TNPO3: variants seen among roughly 807,000 people sequenced by gnomAD.
TNPO3 encodes transportin 3, also known as transportin-3.
TNPO3 carries 65 observed loss-of-function variants against 122.8 expected under a neutral mutation model. The ratio of observed to expected loss-of-function variants is 0.53; its 90% CI spans 0.43 to 0.65. The LOEUF is 0.65. Ranked by LOEUF, TNPO3 falls within the 30% of genes least tolerant of loss-of-function variation. The pLI is 0.00. For synonymous variants in TNPO3, 372 were observed against 411.2 expected, an observed-to-expected ratio of 0.90 and a Z score of 1.15; for missense variants, 850 against 1,136.7, an observed-to-expected ratio of 0.75 and a Z score of 3.63.
At chr7:129,028,292 A>G (rs372195282) in intron 1 of TNPO3, among the ~76,000 whole-genome samples, 2 of 152,234 alleles carry the variant, frequency 1.3e-5, no homozygotes, top group East Asian at 3.8e-4. Flanking sequence ...TCTAGTATAA[A>G]ACTGAACTAA....
At chr7:128,997,679 G>C in intron 7 of TNPO3, 144 bp from the exon 8 acceptor site, 1 of 714,002 alleles carries the variant, frequency 1.4e-6, no homozygotes, top group Non-Finnish European at 2.2e-6. Context: ...CTTTTCTCTA[G>C]CAGATTTACT....
chr7:128,968,598 C>CT (rs1345183149), intron 20 of TNPO3, among the ~76,000 whole-genome samples: 10 of 152,038 alleles, frequency 6.6e-5, no homozygotes, highest in African/African-American at 2.4e-4. Context: ...CATTTATGGC[C>CT]ATAATAGGCC....
Position 128,984,161 on chromosome 7 carries a change from G to A in TNPO3, c.1782+7C>T. The A allele has an allele frequency of 6.4e-7, 1 of 1,563,592 alleles. No homozygotes were observed. The highest frequency in any genetic ancestry group is 8.7e-7 in the Non-Finnish European group (1 of 1,150,104). ...ATTTGTTTCACACCTTCCTTAATTG[G>A]ACTTACCTTTTTCAATGCCATAACC... On this transcript the variant is annotated splice_region_variant and intron_variant, in intron 13 of 22. Transcript: ENST00000265388.
At chr7:129,053,120 T>TA (rs934978360) in intron 1 of TNPO3, among the ~76,000 whole-genome samples, 17 of 152,096 alleles carry the variant, frequency 1.1e-4, no homozygotes, top group Non-Finnish European at 2.4e-4. Context: ...AGGTCGGAGT[T>TA]AGAGACCAGC....
chr7:129,040,356 T>C (rs1404783930), intron 1 of TNPO3, among the ~76,000 whole-genome samples: 1 of 152,172 alleles, frequency 6.6e-6, no homozygotes, highest in African/African-American at 2.4e-5. Context: ...AATGTAGTTG[T>C]GTGAACTATA....
At position 128,961,637 on chromosome 7, in the gene TNPO3, T is replaced by C. The variant is rs1412354328; in HGVS notation, c.2712-4322A>G. On this transcript the variant is annotated intron_variant, in intron 21 of 22. Transcript: ENST00000265388. ...TTTTTAACTGCCAGTATTTTTTAGA[T>C]TCTGTTTTCTGGCTTCTAGTCCCCA... Among the ~76,000 whole-genome samples, 3 of 152,212 alleles carry C rather than the reference T, an allele frequency of 2.0e-5. No individual in the cohort carries two copies. In the East Asian group the frequency reaches 5.8e-4, roughly 29 times the overall value.
At chr7:128,997,947 C>T (rs1372815045) in intron 7 of TNPO3, among the ~76,000 whole-genome samples, 1 of 151,938 alleles carries the variant, frequency 6.6e-6, no homozygotes, top group Non-Finnish European at 1.5e-5. Flanking sequence ...AAGTGATCCT[C>T]CTGCCTCAGC....
intron 12 of TNPO3, among the ~76,000 whole-genome samples, 162 bp from the exon 13 acceptor site, chr7:128,984,421 G>A (rs1799941288): frequency 6.6e-6 from 1 of 152,162 alleles, no homozygotes; most frequent in Non-Finnish European, 1.5e-5. Context: ...GTTATTTACA[G>A]TTGTTTTTTC....
intron 1 of TNPO3, among the ~76,000 whole-genome samples, chr7:129,021,964 T>G (rs1804569894): frequency 6.6e-6 from 1 of 152,090 alleles, no homozygotes; most frequent in East Asian, 1.9e-4. Context: ...CAAAAAAATT[T>G]TAAAACATTT....
intron 4 of TNPO3, among the ~76,000 whole-genome samples, chr7:129,008,430 A>G (rs1340042549): frequency 6.6e-6 from 1 of 151,870 alleles, no homozygotes; most frequent in Admixed American, 6.6e-5. Context: ...AATGTCACAA[A>G]TATGGTTCTG....
chr7:129,000,942 T>C (rs1801877171), intron 6 of TNPO3, 117 bp downstream of exon 6: 3 of 1,247,264 alleles, frequency 2.4e-6, no homozygotes, highest in Admixed American at 2.1e-5. Context: ...GGAAGCACTA[T>C]CTGTACTTTA....
intron 19 of TNPO3, among the ~76,000 whole-genome samples, chr7:128,972,103 A>G (rs564576329): frequency 1.3e-5 from 2 of 152,366 alleles, no homozygotes; most frequent in South Asian, 4.1e-4. Context: ...TAGGCGACAG[A>G]GCAAGACCCT....
At chr7:128,983,207 C>CT (rs529424784) in intron 13 of TNPO3, among the ~76,000 whole-genome samples, 202 of 151,530 alleles carry the variant, frequency 1.3e-3, no homozygotes, top group South Asian at 6.9e-3. Context: ...CAATCAAAGA[C>CT]TTTTTTTTTC....
chr7:128,982,681 A>G (rs549189367), intron 13 of TNPO3, among the ~76,000 whole-genome samples: 1 of 152,136 alleles, frequency 6.6e-6, no homozygotes, highest in Non-Finnish European at 1.5e-5. Flanking sequence ...TATGTAAAAG[A>G]TTATATATTT....
chr7:129,054,656 G>T lies in TNPO3; in HGVS notation c.115C>A (p.Arg39Ser). 6.2e-7 allele frequency: 1 copy of T among 1,613,782 alleles called. No individual in the cohort carries two copies. The highest frequency in any genetic ancestry group is 8.5e-7 in the Non-Finnish European group (1 of 1,180,012). Residue 39 changes from arginine to serine, a missense_variant, in exon 1 of 23, where the codon CGT becomes AGT. Transcript: ENST00000265388. ...TGCCTCTCTGGGCCCCTCACCGAACGCTGCAGCTCCCCAAGCCAAAAAGAG... is the reference window on the plus strand; with the variant it reads ...TGCCTCTCTGGGCCCCTCACCGAACTCTGCAGCTCCCCAAGCCAAAAAGAG... ...RASFWLGELQRSVHAWEISDQ... is the reference protein window; with the variant it reads ...RASFWLGELQSSVHAWEISDQ...
At chr7:129,017,333 T>C (rs918278405) in intron 2 of TNPO3, among the ~76,000 whole-genome samples, 4 of 152,098 alleles carry the variant, frequency 2.6e-5, no homozygotes, top group Admixed American at 6.6e-5. Context: ...CCTCAAAATA[T>C]ATCAATATTT....
chr7:129,005,214 T>G lies in TNPO3; in HGVS notation c.553-55A>C. 2.7e-6 allele frequency: 4 copies of G among 1,483,802 alleles called. No individual in the cohort carries two copies. In the Admixed American group the frequency reaches 7.8e-5, roughly 29 times the overall value. 91.9% of individuals were successfully genotyped at this position (1,483,802 alleles called of 1,614,324 possible). Reference sequence around the variant, plus strand: ...AATGTTAATCTATATATTTAAACCATTATTTCAATCACCTTACAAGTATAA... The same window carrying G: ...AATGTTAATCTATATATTTAAACCAGTATTTCAATCACCTTACAAGTATAA... On this transcript the variant is annotated intron_variant, in intron 4 of 22. Transcript: ENST00000265388.
At chr7:129,042,014 G>C (rs1476408346) in intron 1 of TNPO3, among the ~76,000 whole-genome samples, 2 of 152,012 alleles carry the variant, frequency 1.3e-5, no homozygotes, top group Non-Finnish European at 2.9e-5. Context: ...CAAAATCACT[G>C]AGCAGGCCCT....
At chr7:129,028,401 T>C (rs566479349) in intron 1 of TNPO3, among the ~76,000 whole-genome samples, 1 of 151,410 alleles carries the variant, frequency 6.6e-6, no homozygotes, top group East Asian at 1.9e-4. Flanking sequence ...ATGCTTACAT[T>C]AAAAAAGAAA....
Sources: allele counts gnomAD v4.1 joint callset (sites outside exome capture counted in the v4.1 genomes callset), GRCh38; gene constraint gnomAD v4.1.1; transcripts MANE v1.5; gene names NCBI Gene and HGNC (gene_info 2026-07-23, HGNC 2026-07-21).